The following PLEKHG5 variants were observed in gnomAD, a reference collection of about 807,000 sequenced individuals.
PLEKHG5 encodes pleckstrin homology and RhoGEF domain containing G5, also known as pleckstrin homology domain-containing family G member 5.
A neutral mutation model predicts 103.8 loss-of-function variants in PLEKHG5; 52 were observed. That is an observed-to-expected ratio of 0.50 (90% confidence interval 0.40 to 0.63). PLEKHG5 has a LOEUF of 0.63. Ranked by LOEUF, PLEKHG5 falls within the 30% of genes least tolerant of loss-of-function variation. The pLI is 0.00. For missense variants in PLEKHG5, 1,205 were observed against 1,347.6 expected (o/e 0.89, Z 1.66); for synonymous variants, 592 against 575.5 (o/e 1.03, Z -0.41).
Position 6,475,057 on chromosome 1 carries a change from T to C in PLEKHG5, c.292A>G (p.Lys98Glu), listed in dbSNP as rs770771316. 3.7e-6 allele frequency: 6 copies of C among 1,601,788 alleles called. No homozygotes were observed. The highest frequency in any genetic ancestry group is 5.1e-6 in the Non-Finnish European group (6 of 1,168,914). ...ETEIVPAMKK[K>E]SLGEVLLPVF... Reference sequence around the variant, plus strand: ...CCCATCAAGCCCTACCCCAGTGACTTCTTCTTCATGGCTGGGACGATCTCT... The same window carrying C: ...CCCATCAAGCCCTACCCCAGTGACTCCTTCTTCATGGCTGGGACGATCTCT... Residue 98 changes from lysine (K) to glutamate (E), a missense_variant, in exon 5 of 21, where the codon AAG (lysine) becomes GAG (glutamate). Physicochemically the swap from Lys to Glu is moderately conservative, Grantham distance 56 (BLOSUM62 1). Transcript: ENST00000377728.
At position 6,487,624 on chromosome 1, in the gene PLEKHG5, CG is replaced by C. The variant is rs150341095; in HGVS notation, c.-88+4012del. On this transcript the variant is annotated intron_variant, in intron 1 of 20. Transcript: ENST00000377728. The surrounding 1 kb of genome is among the most constrained non-coding windows in gnomAD (Gnocchi z 4.1). ...CACCCTATCTTGAAACAGCTGACAC[CG>C]GGCCCCAACTTAAATGTTACCTCTA... 0.012 allele frequency among the ~76,000 whole-genome samples: 1,888 copies of C among 152,210 alleles called. 46 individuals carry two copies. Among genetic ancestry groups the C allele is most frequent in the African/African-American group, 0.042 (1,754 of 41,512 alleles).
chr1:6,484,183 G>A (rs1030575525), intron 1 of PLEKHG5, among the ~76,000 whole-genome samples: 5 of 152,314 alleles, frequency 3.3e-5, no homozygotes, highest in Non-Finnish European at 4.4e-5. Context: ...TTACGGAAGA[G>A]TCAGTATTCA....
In PLEKHG5 at chr1:6,486,150, C is replaced by G. The variant is rs1414704070; in HGVS notation, c.-88+5487G>C. Reference sequence around the variant, plus strand: ...CCTCCCTTCCTCCTGGAGACCCCCACCCCCGCCTCGGAGCCTCAGCCCAGG... The same window carrying G: ...CCTCCCTTCCTCCTGGAGACCCCCAGCCCCGCCTCGGAGCCTCAGCCCAGG... On this transcript the variant is annotated intron_variant, in intron 1 of 20. Coordinates refer to ENST00000377728, the MANE Select transcript of PLEKHG5 (RefSeq NM_020631.6). The surrounding 1 kb of genome is among the most constrained non-coding windows in gnomAD (Gnocchi z 5.3). Among the ~76,000 whole-genome samples the G allele has an allele frequency of 6.6e-6, 1 of 151,756 alleles. No individual in the cohort carries two copies. The highest frequency in any genetic ancestry group is 2.4e-5 in the African/African-American group (1 of 41,290).
upstream of PLEKHG5, chr1:6,496,468 TC>T: frequency 6.4e-7 from 1 of 1,573,194 alleles, no homozygotes. Flanking sequence ...CCCCCGAGGG[TC>T]CCCAGGCTCT....
Position 6,467,916 on chromosome 1 carries a change from GT to G in PLEKHG5, c.2919del (p.Pro974GlnfsTer10). The G allele has an allele frequency of 1.2e-6, 2 of 1,600,392 alleles. No individual in the cohort carries two copies. The highest frequency in any genetic ancestry group is 1.7e-6 in the Non-Finnish European group (2 of 1,174,156). Reference sequence around the variant, plus strand: ...TTCCTGTGCTGGGCAGAGACCCCTGGTGGGGGCTCAGGCTGGACCCTGGGAG... The same window carrying G: ...TTCCTGTGCTGGGCAGAGACCCCTGGGGGGGCTCAGGCTGGACCCTGGGAG... ...GASPRVQPEP[P>X]PGVSAQHRKL... On this transcript the variant is annotated frameshift_variant, in exon 20 of 21. Transcript: ENST00000377728. LOFTEE classifies it high-confidence loss of function.
chr1:6,467,365 G>A lies in PLEKHG5; in HGVS notation c.*198C>T. 1.4e-6 allele frequency: 1 copy of A among 718,178 alleles called. No homozygotes were observed. Among genetic ancestry groups the A allele is most frequent in the East Asian group, 2.5e-5 (1 of 39,724 alleles). 44.5% of individuals were successfully genotyped at this position (718,178 alleles called of 1,614,324 possible). ...ACGAGGGGCTGCCTGGGCAGGTGGGGTGGTACTGTGGCCTGGGCCTCCTCC... is the reference window on the plus strand; with the variant it reads ...ACGAGGGGCTGCCTGGGCAGGTGGGATGGTACTGTGGCCTGGGCCTCCTCC... On this transcript the variant is annotated 3_prime_UTR_variant, in exon 21 of 21. Coordinates refer to ENST00000377728, the MANE Select transcript of PLEKHG5 (RefSeq NM_020631.6).
chr1:6,475,630 G>C, intron 3 of PLEKHG5, 108 bp from the exon 4 acceptor site: 1 of 972,626 alleles, frequency 1.0e-6, no homozygotes, highest in East Asian at 2.4e-5. Context: ...CCAGGTGACA[G>C]GTAACCCGCG....
Position 6,478,669 on chromosome 1 carries a change from G to T in PLEKHG5, c.-87-1011C>A, listed in dbSNP as rs371228277. On this transcript the variant is annotated intron_variant, in intron 1 of 20. Transcript: ENST00000377728. ...ATTTTTTTAAATTTTTCTGAGAAGG[G>T]GTCTCGCTCTGTTGCCCAGGCTGGA... Among the ~76,000 whole-genome samples, 99 of 151,776 alleles carry T rather than the reference G, an allele frequency of 6.5e-4. 1 individual carries two copies. The South Asian group carries it at 0.02, about 30-fold the overall frequency.
upstream of PLEKHG5, among the ~76,000 whole-genome samples, chr1:6,494,474 G>C (rs772475356): frequency 6.6e-6 from 1 of 151,650 alleles, no homozygotes; most frequent in Admixed American, 6.6e-5. Flanking sequence ...ATATTGCCCA[G>C]GTTGGCCTCA....
At chr1:6,513,336 G>T (rs1638528578) in intron 1 of PLEKHG5, among the ~76,000 whole-genome samples, 1 of 152,252 alleles carries the variant, frequency 6.6e-6, no homozygotes, top group African/African-American at 2.4e-5. Flanking sequence ...AGGTGGCAGG[G>T]CTCCCTGGCA....
At chr1:6,515,265 C>T (rs532292673) in intron 1 of PLEKHG5, among the ~76,000 whole-genome samples, 11 of 151,338 alleles carry the variant, frequency 7.3e-5, no homozygotes, top group Admixed American at 3.3e-4. Context: ...TGGTGGCTCA[C>T]GCCTGTAATC....
intron 1 of PLEKHG5, among the ~76,000 whole-genome samples, chr1:6,478,688 G>T (rs548532023): frequency 6.6e-6 from 1 of 151,942 alleles, no homozygotes; most frequent in Non-Finnish European, 1.5e-5. Flanking sequence ...CTGTTGCCCA[G>T]GCTGGAGTGC....
upstream of PLEKHG5, among the ~76,000 whole-genome samples, chr1:6,494,118 ATTTTTTT>A (rs36105555): frequency 4.0e-5 from 3 of 75,740 alleles, no homozygotes; most frequent in Non-Finnish European, 6.5e-5. Context: ...CACCTGGCTA[ATTTTTTT>A]TTTTTTTTTT....
intron 1 of PLEKHG5, among the ~76,000 whole-genome samples, chr1:6,480,641 AG>A (rs1024930917): frequency 2.0e-5 from 3 of 149,114 alleles, no homozygotes; most frequent in African/African-American, 7.6e-5. Flanking sequence ...GATGGCTGCA[AG>A]GTGGGGGATT....
intron 1 of PLEKHG5, among the ~76,000 whole-genome samples, chr1:6,482,271 C>T (rs1034715171): frequency 7.9e-5 from 12 of 152,164 alleles, no homozygotes; most frequent in African/African-American, 2.2e-4. Context: ...TGGTCACATT[C>T]GCAAGGACAG....
At position 6,472,543 on chromosome 1, in the gene PLEKHG5, A is replaced by T. The variant is rs372001535; in HGVS notation, c.1064T>A (p.Leu355Gln). Residue 355 changes from leucine (L) to glutamine (Q), a missense_variant, in exon 10 of 21, where the codon CTG (leucine) becomes CAG (glutamine). By Grantham distance (113) the Leu-to-Gln change is moderately radical. Coordinates refer to ENST00000377728, the MANE Select transcript of PLEKHG5 (RefSeq NM_020631.6). Reference sequence around the variant, plus strand: ...CCTACTCACGTTGATGATCACCCGCAGTTTCCTGATGTAGGAGGCCTCCGT... The same window carrying T: ...CCTACTCACGTTGATGATCACCCGCTGTTTCCTGATGTAGGAGGCCTCCGT... Reference protein sequence around the residue: ...LHTEASYIRKLRVIINLFLCC... With the variant: ...LHTEASYIRKQRVIINLFLCC... The T allele has an allele frequency of 6.2e-7, 1 of 1,612,732 alleles. No individual in the cohort carries two copies. Among genetic ancestry groups the T allele is most frequent in the South Asian group, 1.1e-5 (1 of 91,020 alleles).
upstream of PLEKHG5, among the ~76,000 whole-genome samples, chr1:6,494,639 C>G (rs1645197662): frequency 6.6e-6 from 1 of 152,168 alleles, no homozygotes; most frequent in South Asian, 2.1e-4. Flanking sequence ...CCCGCACCTC[C>G]TCTCCACCAC....
chr1:6,476,573 A>G (rs979436853), intron 2 of PLEKHG5, among the ~76,000 whole-genome samples: 4 of 152,138 alleles, frequency 2.6e-5, no homozygotes, highest in Non-Finnish European at 5.9e-5. Context: ...CTCCACCCCA[A>G]AAACAAACTC....
At chr1:6,470,386 G>A in intron 15 of PLEKHG5, 31 bp from the exon 16 acceptor site, 2 of 1,613,404 alleles carry the variant, frequency 1.2e-6, no homozygotes, top group Non-Finnish European at 8.5e-7. Context: ...CGTAGGGGAG[G>A]CCAGAGACTG....
Sources: gnomAD v4.1 joint callset for allele counts (sites outside exome capture counted in the v4.1 genomes callset) on GRCh38, gnomAD v4.1.1 for gene constraint, Gnocchi (gnomAD v3.1) non-coding constraint, MANE v1.5 for transcripts, NCBI Gene and HGNC (gene_info 2026-07-23, HGNC 2026-07-21) for gene names.